The following CA5A variants were observed in gnomAD, a reference collection of about 807,000 sequenced individuals.
The protein encoded by CA5A is carbonic anhydrase 5A, mitochondrial.
CA5A carries 28 observed loss-of-function variants against 37.1 expected under a neutral mutation model. The ratio of observed to expected loss-of-function variants is 0.75; its 90% CI spans 0.56 to 1.03. The LOEUF is 1.03. Ranked by LOEUF, CA5A falls within the 50% of genes least tolerant of loss-of-function variation. The pLI is 0.00. For synonymous variants in CA5A, 171 were observed against 158.4 expected (o/e 1.08, Z -0.60); for missense variants, 444 against 399.9 (o/e 1.11, Z -0.94).
chr16:87,895,697 G>C (rs2055791744), intron 5 of CA5A, among the ~76,000 whole-genome samples: 1 of 152,090 alleles, frequency 6.6e-6, no homozygotes, highest in East Asian at 1.9e-4. Context: ...TTTTAGCTAT[G>C]GTCCCCACCC....
chr16:87,933,448 C>T (rs1305668035), intron 1 of CA5A, among the ~76,000 whole-genome samples: 1 of 152,202 alleles, frequency 6.6e-6, no homozygotes, highest in Non-Finnish European at 1.5e-5. Context: ...CTGATCAGGG[C>T]TCACTGCAGC....
rs995519496 is a variant in CA5A, at chr16:87,914,754, C to G, written c.341-9850G>C. ...CGGGCAGTCCACAAGGTGGTCAGGACCTCAGCTGGCGGCTGGGCTTGGGAG... is the reference window on the plus strand; with the variant it reads ...CGGGCAGTCCACAAGGTGGTCAGGAGCTCAGCTGGCGGCTGGGCTTGGGAG... On this transcript the variant is annotated intron_variant, in intron 2 of 6. Transcript: ENST00000649794. 2.5e-4 allele frequency among the ~76,000 whole-genome samples: 38 copies of G among 152,286 alleles called. 1 individual carries two copies. Among genetic ancestry groups the G allele is most frequent in the South Asian group, 1.2e-3 (6 of 4,820 alleles).
intron 5 of CA5A, chr16:87,893,787 A>G (rs2055761000): frequency 2.6e-6 from 1 of 383,950 alleles, no homozygotes; most frequent in African/African-American, 2.1e-5. Context: ...CCAAAAAACA[A>G]AAAGAGTCAG....
At chr16:87,910,530 A>C (rs1161279014) in intron 2 of CA5A, among the ~76,000 whole-genome samples, 1 of 152,110 alleles carries the variant, frequency 6.6e-6, no homozygotes, top group African/African-American at 2.4e-5. Flanking sequence ...CTTGCCAGTA[A>C]AGTTAGGGAC....
rs567092099 is a variant in CA5A, at chr16:87,922,489, T to C, written c.340+4259A>G. Among the ~76,000 whole-genome samples the C allele has an allele frequency of 2.1e-3, 323 of 152,318 alleles. 2 individuals are homozygous for C. The highest frequency in any genetic ancestry group is 4.1e-3 in the Non-Finnish European group (280 of 68,020). ...AGATTCCAAGGCACACATGCTGCCATGAGCTGAACAGAAAATGACAAGTGT... is the reference window on the plus strand; with the variant it reads ...AGATTCCAAGGCACACATGCTGCCACGAGCTGAACAGAAAATGACAAGTGT... On this transcript the variant is annotated intron_variant, in intron 2 of 6. Transcript: ENST00000649794.
intron 1 of CA5A, among the ~76,000 whole-genome samples, chr16:87,929,871 CAAAAAA>C (rs58941982): frequency 2.6e-4 from 16 of 62,342 alleles, no homozygotes; most frequent in South Asian, 8.0e-4. Context: ...GACTCCGTCT[CAAAAAA>C]AAAAAAAAAA....
chr16:87,924,644 C>G (rs955893512), intron 2 of CA5A, among the ~76,000 whole-genome samples: 2 of 152,228 alleles, frequency 1.3e-5, no homozygotes, highest in African/African-American at 4.8e-5. Context: ...CATGTCATGA[C>G]GAAGCTGGGA....
intron 2 of CA5A, among the ~76,000 whole-genome samples, chr16:87,905,225 C>T (rs1015164773): frequency 2.6e-5 from 4 of 152,024 alleles, no homozygotes; most frequent in African/African-American, 9.7e-5. Context: ...TTCTGTGATG[C>T]CTGCCTGTCC....
At chr16:87,934,636 C>T (rs2056447184) in intron 1 of CA5A, among the ~76,000 whole-genome samples, 1 of 151,846 alleles carries the variant, frequency 6.6e-6, no homozygotes, top group South Asian at 2.1e-4. Flanking sequence ...CCAATCTAGG[C>T]AGGCTAGCGC....
chr16:87,927,523 C>T (rs1207402223), intron 1 of CA5A, among the ~76,000 whole-genome samples: 1 of 152,098 alleles, frequency 6.6e-6, no homozygotes, highest in Non-Finnish European at 1.5e-5. Flanking sequence ...AGGCTCATTT[C>T]AAACTGCTTT....
intron 2 of CA5A, among the ~76,000 whole-genome samples, chr16:87,919,736 A>G (rs1323975558): frequency 6.6e-6 from 1 of 152,138 alleles, no homozygotes; most frequent in Non-Finnish European, 1.5e-5. Flanking sequence ...GCTTACTGGA[A>G]TTCCTCACTT....
Position 87,919,501 on chromosome 16 carries a change from C to T in CA5A, c.340+7247G>A, listed in dbSNP as rs2056201007. On this transcript the variant is annotated intron_variant, in intron 2 of 6. Transcript: ENST00000649794. The stretch of plus-strand genomic sequence containing the variant: ...CACAGCCTCGGGCGGCCACCTTCGC[C>T]CCATCAGGGAACCCCCGTGAGTGTC... 2.6e-5 allele frequency among the ~76,000 whole-genome samples: 4 copies of T among 152,156 alleles called. No individual in the cohort carries two copies. In the East Asian group the frequency reaches 7.7e-4, roughly 29 times the overall value.
At chr16:87,905,452 G>A (rs1336470455) in intron 2 of CA5A, among the ~76,000 whole-genome samples, 5 of 152,116 alleles carry the variant, frequency 3.3e-5, no homozygotes, top group Admixed American at 6.6e-5. Context: ...CTCCACCTCT[G>A]GGTTCTAGTG....
chr16:87,902,448 C>G lies in CA5A; in HGVS notation c.532G>C (p.Ala178Pro). The G allele has an allele frequency of 6.2e-7, 1 of 1,612,172 alleles. No individual in the cohort carries two copies. The highest frequency in any genetic ancestry group is 8.5e-7 in the Non-Finnish European group (1 of 1,178,300). ...KEAVVGENGL[A>P]VIGVFLKLGA... is the part of the protein sequence containing the mutation. ...ACCTTTAAAAACACGCCTATCACAG[C>G]CAAACCATTCTCTCCCACGACAGCT... Residue 178 changes from alanine to proline, a missense_variant, in exon 4 of 7, where the codon GCT becomes CCT. Coordinates refer to ENST00000649794, the MANE Select transcript of CA5A (RefSeq NM_001739.2).
downstream of CA5A, chr16:87,887,335 C>T (rs576969531): frequency 1.3e-5 from 2 of 152,374 alleles, no homozygotes; most frequent in African/African-American, 4.8e-5. Context: ...TCTCAAACTC[C>T]TGACCTCAAG....
intron 5 of CA5A, among the ~76,000 whole-genome samples, chr16:87,897,726 G>A (rs990538342): frequency 5.9e-5 from 9 of 152,204 alleles, no homozygotes; most frequent in Non-Finnish European, 8.8e-5. Context: ...GTTTAAAAAC[G>A]GGCTCTTCAC....
intron 6 of CA5A, among the ~76,000 whole-genome samples, chr16:87,891,457 G>A (rs2055711891): frequency 6.8e-6 from 1 of 147,730 alleles, no homozygotes; most frequent in Non-Finnish European, 1.5e-5. Flanking sequence ...GATAGAACGA[G>A]ACTCTGTCTC....
intron 2 of CA5A, among the ~76,000 whole-genome samples, chr16:87,917,716 A>AAC (rs1555522606): frequency 0.044 from 2,801 of 63,632 alleles, 43 homozygotes; most frequent in South Asian, 0.074. Flanking sequence ...CACACACATG[A>AAC]ACACGTGCAC....
chr16:87,916,070 C>T (rs1431839195), intron 2 of CA5A, among the ~76,000 whole-genome samples: 22 of 150,380 alleles, frequency 1.5e-4, no homozygotes, highest in South Asian at 1.1e-3. Context: ...CGGGAGCCTG[C>T]GGCAGGAGAA....
Sources: allele counts gnomAD v4.1 joint callset (sites outside exome capture counted in the v4.1 genomes callset), GRCh38; gene constraint gnomAD v4.1.1; transcripts MANE v1.5; gene names NCBI Gene and HGNC (gene_info 2026-07-23, HGNC 2026-07-21).